The following SCHIP1 variants were observed in gnomAD, a reference collection of about 807,000 sequenced individuals.
The protein encoded by SCHIP1 is schwannomin interacting protein 1, also known as schwannomin-interacting protein 1.
Under a neutral mutation model 29.7 loss-of-function variants are expected in SCHIP1, and 8 were observed. The observed-to-expected ratio is 0.27, with a 90% confidence interval of 0.16 to 0.49. The LOEUF (loss-of-function observed/expected upper bound fraction) is 0.49. Ranked by LOEUF, SCHIP1 falls within the 20% of genes least tolerant of loss-of-function variation. The probability of loss-of-function intolerance (pLI) is 0.99; values close to 1 mark genes in which losing one functional copy is unlikely to be tolerated. For synonymous variants in SCHIP1, 76 were observed against 94.9 expected, an observed-to-expected ratio of 0.80 and a Z score of 1.16; for missense variants, 193 against 294.6, an observed-to-expected ratio of 0.66 and a Z score of 2.52.
the SCHIP1 span, among the ~76,000 whole-genome samples, chr3:159,492,547 G>C: frequency 6.6e-6 from 1 of 152,080 alleles, no homozygotes; most frequent in Non-Finnish European, 1.5e-5. Context: ...GGGAAGTTTA[G>C]AGAAAAAAGA....
chr3:159,637,567 A>G, the SCHIP1 span, among the ~76,000 whole-genome samples: 1 of 152,182 alleles, frequency 6.6e-6, no homozygotes, highest in African/African-American at 2.4e-5. Context: ...GGGAATGAAA[A>G]CTCGGGAAAT....
At chr3:159,654,903 G>A in the SCHIP1 span, among the ~76,000 whole-genome samples, 3 of 151,396 alleles carry the variant, frequency 2.0e-5, no homozygotes, top group African/African-American at 7.3e-5. Flanking sequence ...TTGACAGTAA[G>A]CAGTGCTGAC....
At chr3:159,329,168 C>A in the SCHIP1 span, among the ~76,000 whole-genome samples, 1 of 152,056 alleles carries the variant, frequency 6.6e-6, no homozygotes, top group African/African-American at 2.4e-5. Context: ...TATGTCCACA[C>A]CCTACACACA....
At chr3:159,811,813 T>C in the SCHIP1 span, among the ~76,000 whole-genome samples, 1 of 152,210 alleles carries the variant, frequency 6.6e-6, no homozygotes, top group Admixed American at 6.5e-5. Flanking sequence ...TGTCAATTCC[T>C]GCCCAAAAGC....
chr3:159,693,803 A>C, the SCHIP1 span, among the ~76,000 whole-genome samples: 180 of 152,324 alleles, frequency 1.2e-3, no homozygotes, highest in African/African-American at 4.2e-3. Flanking sequence ...AAAACTATAG[A>C]GCCTTCTTAA....
At chr3:159,535,103 G>C in the SCHIP1 span, among the ~76,000 whole-genome samples, 3 of 152,106 alleles carry the variant, frequency 2.0e-5, no homozygotes, top group African/African-American at 7.2e-5. Flanking sequence ...GATGTACCAG[G>C]ATTCATAGCT....
the SCHIP1 span, among the ~76,000 whole-genome samples, chr3:159,666,439 GA>G: frequency 2.5e-3 from 383 of 152,290 alleles, 1 homozygote; most frequent in Non-Finnish European, 4.7e-3. Flanking sequence ...ATCTGCTCAA[GA>G]AAATCAGATG....
At chr3:159,487,588 G>A in the SCHIP1 span, among the ~76,000 whole-genome samples, 5 of 152,276 alleles carry the variant, frequency 3.3e-5, no homozygotes, top group Middle Eastern at 0.014. Context: ...CAGGCCTGAG[G>A]TGTTGCTGTG....
the SCHIP1 span, among the ~76,000 whole-genome samples, chr3:159,806,836 G>T: frequency 5.9e-5 from 9 of 152,188 alleles, no homozygotes; most frequent in African/African-American, 2.2e-4. Context: ...GAGAAAAATG[G>T]GCAGATAAGT....
At chr3:159,756,394 A>T in the SCHIP1 span, among the ~76,000 whole-genome samples, 5 of 152,176 alleles carry the variant, frequency 3.3e-5, no homozygotes, top group Non-Finnish European at 7.3e-5. Context: ...CCCTTTTCAG[A>T]CATGGCTGGA....
chr3:159,774,371 A>G, the SCHIP1 span, among the ~76,000 whole-genome samples: 1 of 152,206 alleles, frequency 6.6e-6, no homozygotes, highest in Non-Finnish European at 1.5e-5. Context: ...TGAAAATGGA[A>G]GATAAAAAAA....
the SCHIP1 span, among the ~76,000 whole-genome samples, chr3:159,826,814 A>G: frequency 6.6e-6 from 1 of 152,228 alleles, no homozygotes. Flanking sequence ...TGTGTCTGAA[A>G]GAGACTCTCT....
the SCHIP1 span, among the ~76,000 whole-genome samples, chr3:159,474,622 C>A: frequency 1.3e-5 from 2 of 151,968 alleles, no homozygotes; most frequent in African/African-American, 4.8e-5. Context: ...ATAGGGATCC[C>A]AAACACATGC....
At chr3:159,807,446 A>C in the SCHIP1 span, among the ~76,000 whole-genome samples, 1 of 152,212 alleles carries the variant, frequency 6.6e-6, no homozygotes, top group Admixed American at 6.5e-5. Flanking sequence ...CAAGTACATA[A>C]TCTCTCTGAT....
At chr3:159,815,782 C>G in the SCHIP1 span, among the ~76,000 whole-genome samples, 1 of 152,188 alleles carries the variant, frequency 6.6e-6, no homozygotes, top group East Asian at 1.9e-4. Context: ...CCTACCTGGT[C>G]TTCGTTTCCC....
At chr3:159,661,284 T>C in the SCHIP1 span, among the ~76,000 whole-genome samples, 2 of 152,180 alleles carry the variant, frequency 1.3e-5, no homozygotes, top group African/African-American at 2.4e-5. Context: ...TATATAATCA[T>C]TTATAATGTT....
chr3:159,606,861 G>A, the SCHIP1 span, among the ~76,000 whole-genome samples: 16 of 152,290 alleles, frequency 1.1e-4, no homozygotes, highest in African/African-American at 3.9e-4. Context: ...GGAAGCCAGG[G>A]GATGAGAGCC....
chr3:159,790,797 C>A, the SCHIP1 span, among the ~76,000 whole-genome samples: 3 of 152,174 alleles, frequency 2.0e-5, no homozygotes, highest in African/African-American at 7.2e-5. Flanking sequence ...CACTTAGAAG[C>A]ATTTTTTTCC....
the SCHIP1 span, chr3:159,399,035 C>T: frequency 6.5e-6 from 4 of 615,694 alleles, no homozygotes; most frequent in Non-Finnish European, 8.1e-6. Context: ...CACCCCAAAC[C>T]CTCACTCCCC....
Sources: allele counts gnomAD v4.1 joint callset (sites outside exome capture counted in the v4.1 genomes callset), GRCh38; gene constraint gnomAD v4.1.1; transcripts MANE v1.5; gene names NCBI Gene and HGNC (gene_info 2026-07-23, HGNC 2026-07-21).